PLXDC2: variants seen among roughly 807,000 people sequenced by gnomAD.
PLXDC2 encodes the protein plexin domain-containing protein 2.
A neutral mutation model predicts 68.9 loss-of-function variants in PLXDC2; 40 were observed. The ratio of observed to expected loss-of-function variants is 0.58; its 90% CI spans 0.45 to 0.76. PLXDC2 has a LOEUF of 0.76. PLXDC2 is among the 30% of genes least tolerant of loss of function. The pLI, the probability that PLXDC2 is intolerant of heterozygous loss-of-function variation, is 0.00. For synonymous variants in PLXDC2, 243 were observed against 234.2 expected (o/e 1.04, Z -0.34); for missense variants, 644 against 661.9 (o/e 0.97, Z 0.30).
chr10:20,192,914 G>A (rs188172448), intron 9 of PLXDC2, among the ~76,000 whole-genome samples: 20 of 152,194 alleles, frequency 1.3e-4, no homozygotes, highest in Admixed American at 2.6e-4. Flanking sequence ...GACCAATGTT[G>A]TCTGTGAATG....
At chr10:19,898,179 G>C (rs1328808884) in intron 1 of PLXDC2, among the ~76,000 whole-genome samples, 1 of 152,084 alleles carries the variant, frequency 6.6e-6, no homozygotes, top group Non-Finnish European at 1.5e-5. Flanking sequence ...TTTTTTATTT[G>C]TATTTTTTGG....
intron 1 of PLXDC2, among the ~76,000 whole-genome samples, chr10:19,918,375 C>G (rs577762382): frequency 2.0e-5 from 3 of 152,044 alleles, no homozygotes; most frequent in Non-Finnish European, 2.9e-5. Context: ...GCCTAAGTGA[C>G]GAGAAGAACA....
intron 2 of PLXDC2, among the ~76,000 whole-genome samples, chr10:20,017,145 G>A (rs1835226586): frequency 6.6e-6 from 1 of 152,196 alleles, no homozygotes; most frequent in South Asian, 2.1e-4. Context: ...ATTCCCGTTG[G>A]TGTCAGTGAT....
chr10:20,275,541 G>A lies in PLXDC2; in HGVS notation c.1474-4162G>A, dbSNP rs534054057. 1.3e-4 allele frequency among the ~76,000 whole-genome samples: 20 copies of A among 152,320 alleles called. 2 individuals carry two copies. The South Asian group carries it at 3.7e-3, about 28-fold the overall frequency. On this transcript the variant is annotated intron_variant, in intron 13 of 13. Coordinates refer to ENST00000377252, the MANE Select transcript of PLXDC2 (RefSeq NM_032812.9). ...CTGTACACCACAATTAAAGGAGACC[G>A]ACCCTGTGTGCTTCACTCTGGGCTT...
chr10:19,973,489 A>G (rs1834396682), intron 1 of PLXDC2, among the ~76,000 whole-genome samples: 2 of 152,106 alleles, frequency 1.3e-5, no homozygotes, highest in African/African-American at 4.8e-5. Flanking sequence ...GTTCAAAGAT[A>G]CTTTAGGCTT....
intron 10 of PLXDC2, among the ~76,000 whole-genome samples, chr10:20,216,051 G>C (rs368274353): frequency 2.0e-5 from 3 of 151,952 alleles, no homozygotes; most frequent in South Asian, 2.1e-4. Flanking sequence ...GCCTGGCTTT[G>C]GAGCAGGCAG....
At chr10:20,250,602 C>G (rs75885298) in intron 13 of PLXDC2, among the ~76,000 whole-genome samples, 2 of 152,166 alleles carry the variant, frequency 1.3e-5, no homozygotes, top group Admixed American at 1.3e-4. Context: ...GATTTAAGCC[C>G]AGGCTCTCCA....
chr10:19,829,898 GAT>G (rs1564602159), intron 1 of PLXDC2, among the ~76,000 whole-genome samples: 1 of 152,162 alleles, frequency 6.6e-6, no homozygotes, highest in African/African-American at 2.4e-5. Context: ...CAGAGAAAGG[GAT>G]ACTTTAATCG....
rs1836199313 is a variant in PLXDC2 at position 20,289,268 on chromosome 10, T to C, written c.*9449T>C. ...AAACAAAGATTTCAGGATTGCACAG[T>C]GTGTGGGCAATGGGATGGAGACTTT... On this transcript the variant is annotated 3_prime_UTR_variant, in exon 14 of 14. Coordinates refer to ENST00000377252, the MANE Select transcript of PLXDC2 (RefSeq NM_032812.9). 6.6e-6 allele frequency: 1 copy of C among 152,150 alleles called. No homozygotes were observed. The highest frequency in any genetic ancestry group is 2.4e-5 in the African/African-American group (1 of 41,428). 9.4% of individuals were successfully genotyped at this position (152,150 alleles called of 1,614,324 possible). A position where few individuals can be genotyped will look rare whatever the true frequency, so the allele number is the denominator to read the frequency against.
intron 13 of PLXDC2, among the ~76,000 whole-genome samples, chr10:20,265,457 T>C (rs539297322): frequency 1.3e-5 from 2 of 152,364 alleles, no homozygotes; most frequent in African/African-American, 2.4e-5. Flanking sequence ...GTCTGGAACA[T>C]GCTTACAGCT....
At chr10:20,164,788 A>T (rs1239823858) in intron 7 of PLXDC2, among the ~76,000 whole-genome samples, 2 of 152,122 alleles carry the variant, frequency 1.3e-5, no homozygotes, top group Non-Finnish European at 2.9e-5. Context: ...GAAGCCAAAA[A>T]TGTGTAATTT....
chr10:19,844,478 G>T (rs1836965179), intron 1 of PLXDC2, among the ~76,000 whole-genome samples: 3 of 152,256 alleles, frequency 2.0e-5, no homozygotes, highest in South Asian at 4.1e-4. Context: ...ATAGAGGAGG[G>T]TCTTGCTTTT....
chr10:20,044,250 TTTCTTTC>T (rs1835753128), intron 2 of PLXDC2, among the ~76,000 whole-genome samples: 2 of 128,002 alleles, frequency 1.6e-5, no homozygotes, highest in African/African-American at 6.8e-5. Context: ...TCTTTCTTTC[TTTCTTTC>T]TTTCTTTCTT....
chr10:19,950,608 T>C (rs1183896671), intron 1 of PLXDC2, among the ~76,000 whole-genome samples: 1 of 152,212 alleles, frequency 6.6e-6, no homozygotes, highest in African/African-American at 2.4e-5. Context: ...TCTATTCCTA[T>C]GAAACTACCA....
At chr10:20,097,245 G>A (rs761420391) in intron 4 of PLXDC2, among the ~76,000 whole-genome samples, 1 of 152,130 alleles carries the variant, frequency 6.6e-6, no homozygotes, top group African/African-American at 2.4e-5. Flanking sequence ...GTGTGCTTAC[G>A]GTAATTACTG....
At chr10:20,251,341 T>A (rs11815193) in intron 13 of PLXDC2, among the ~76,000 whole-genome samples, 2,250 of 152,236 alleles carry the variant, frequency 0.015, 47 homozygotes, top group African/African-American at 0.047. Context: ...TAAGTTTTTT[T>A]AAAAAAATGA....
intron 10 of PLXDC2, among the ~76,000 whole-genome samples, chr10:20,215,481 T>TAGAA (rs1835123970): frequency 1.3e-5 from 2 of 151,904 alleles, no homozygotes; most frequent in Admixed American, 6.6e-5. Context: ...CAGTCCCTCT[T>TAGAA]CTGGGACTGC....
intron 9 of PLXDC2, among the ~76,000 whole-genome samples, chr10:20,202,316 A>G (rs1414068210): frequency 2.0e-5 from 3 of 152,148 alleles, no homozygotes; most frequent in Non-Finnish European, 4.4e-5. Flanking sequence ...AGGTTCAAAG[A>G]CACTATATTG....
At chr10:19,952,020 A>C (rs1834000127) in intron 1 of PLXDC2, among the ~76,000 whole-genome samples, 2 of 152,152 alleles carry the variant, frequency 1.3e-5, no homozygotes. Flanking sequence ...AAGGGGAGCC[A>C]GAGGTGACAA....
Sources: allele counts gnomAD v4.1 joint callset (sites outside exome capture counted in the v4.1 genomes callset), GRCh38; gene constraint gnomAD v4.1.1; transcripts MANE v1.5; gene names NCBI Gene and HGNC (gene_info 2026-07-23, HGNC 2026-07-21).